CLSPN: variants seen among roughly 807,000 people sequenced by gnomAD.
CLSPN encodes the protein claspin homolog.
CLSPN carries 85 observed loss-of-function variants against 156.3 expected under a neutral mutation model. The ratio of observed to expected loss-of-function variants is 0.54; its 90% confidence interval spans 0.46 to 0.65. The LOEUF (loss-of-function observed/expected upper bound fraction) is 0.65. Ranked by LOEUF, CLSPN falls within the 30% of genes least tolerant of loss-of-function variation. The pLI is 0.00. For missense variants in CLSPN, 1,407 were observed against 1,554.9 expected (o/e 0.90, Z 1.60); for synonymous variants, 534 against 542.4 (o/e 0.98, Z 0.22).
Position 35,735,877 on chromosome 1 carries a change from C to T in CLSPN, c.*619G>A, listed in dbSNP as rs1198671379. On this transcript the variant is annotated 3_prime_UTR_variant, in exon 25 of 25. Coordinates refer to ENST00000318121, the MANE Select transcript of CLSPN (RefSeq NM_022111.4). ...TCTATCAATCACAAAGAGATATTAA[C>T]CCAGAAAGCTGCTACAATAAAATGT... is the stretch of plus-strand genomic sequence containing the variant. 3 of 985,150 alleles carry T rather than the reference C, an allele frequency of 3.0e-6. No individual in the cohort carries two copies. The highest frequency in any genetic ancestry group is 3.6e-6 in the Non-Finnish European group (3 of 829,914). 61.0% of individuals were successfully genotyped at this position (985,150 alleles called of 1,614,324 possible).
intron 24 of CLSPN, 39 bp downstream of exon 24, chr1:35,736,875 G>T: frequency 6.3e-7 from 1 of 1,582,300 alleles, no homozygotes; most frequent in Non-Finnish European, 8.6e-7. Context: ...AATAAATTCT[G>T]GTTTGGGAAG....
At chr1:35,757,383 A>G in intron 8 of CLSPN, among the ~76,000 whole-genome samples, 1 of 152,218 alleles carries the variant, frequency 6.6e-6, no homozygotes, top group East Asian at 1.9e-4. Flanking sequence ...AACTTCATGT[A>G]TATTATGGCT....
downstream of CLSPN, among the ~76,000 whole-genome samples, chr1:35,730,121 G>T (rs1404559724): frequency 1.3e-5 from 2 of 152,180 alleles, no homozygotes; most frequent in African/African-American, 4.8e-5. Context: ...GCCAGGCATG[G>T]TGCTACCCAA....
In CLSPN at chr1:35,736,990, C is replaced by T. The variant is rs764778999; in HGVS notation, c.3833G>A (p.Arg1278Gln). 4.3e-6 allele frequency: 7 copies of T among 1,613,978 alleles called. No individual in the cohort carries two copies. Among genetic ancestry groups the T allele is most frequent in the African/African-American group, 4.0e-5 (3 of 74,900 alleles). The stretch of plus-strand genomic sequence containing the variant: ...ATGAAAGACAAAGTTTCTTGAATTT[C>T]GAGGAGCACTGGGGTTATGGTCAGA... ...ALSDHNPSAPRNSRNFVFHTL... is the reference protein window; with the variant it reads ...ALSDHNPSAPQNSRNFVFHTL... The change falls in exon 24 of 25, where the codon CGA (arginine) becomes CAA (glutamine). Residue 1278 changes from arginine to glutamine, a missense_variant. Coordinates refer to ENST00000318121, the MANE Select transcript of CLSPN (RefSeq NM_022111.4).
At chr1:35,769,784 C>T in intron 1 of CLSPN, 63 bp downstream of exon 1, 1 of 1,510,486 alleles carries the variant, frequency 6.6e-7, no homozygotes. Context: ...CTACCCCGGC[C>T]CCACCTAACC....
At chr1:35,748,944 C>T (rs1015682207) in intron 12 of CLSPN, 12 of 346,360 alleles carry the variant, frequency 3.5e-5, no homozygotes, top group Non-Finnish European at 6.6e-5. Context: ...TCCTGCCTCA[C>T]CCTCCCAAGT....
chr1:35,744,209 A>G (rs538580276), intron 16 of CLSPN, among the ~76,000 whole-genome samples: 1 of 152,362 alleles, frequency 6.6e-6, no homozygotes, highest in African/African-American at 2.4e-5. Context: ...TACTCTAAGT[A>G]TCTCATGTAA....
In CLSPN at chr1:35,747,942, T is replaced by C. The variant is rs1224552591; in HGVS notation, c.2592A>G (p.Glu864=). ...CCAACAGTTGGCTCTGAGTGTCATCTTCTAAACAGAACTGGAAGTCTCCTG... is the reference window on the plus strand; with the variant it reads ...CCAACAGTTGGCTCTGAGTGTCATCCTCTAAACAGAACTGGAAGTCTCCTG... ...LGAGDFQFCL[E]DDTQSQLLDA... is the part of the protein sequence containing the mutation. The change falls in exon 14 of 25, where the codon GAA becomes GAG. Residue 864 remains glutamate (E), a synonymous_variant. Coordinates refer to ENST00000318121, the MANE Select transcript of CLSPN (RefSeq NM_022111.4). The C allele has an allele frequency of 6.2e-7, 1 of 1,614,140 alleles. No homozygotes were observed.
intron 8 of CLSPN, among the ~76,000 whole-genome samples, chr1:35,755,666 C>T (rs1642249335): frequency 6.6e-6 from 1 of 152,118 alleles, no homozygotes; most frequent in South Asian, 2.1e-4. Flanking sequence ...CTCAGCCTCC[C>T]AAAGTGCTAG....
Position 35,764,590 on chromosome 1 carries a change from C to T in CLSPN, c.258G>A (p.Glu86=). Residue 86 remains glutamate, a synonymous_variant, in exon 3 of 25, where the codon GAG becomes GAA. Coordinates refer to ENST00000318121, the MANE Select transcript of CLSPN (RefSeq NM_022111.4). Reference sequence around the variant, plus strand: ...CAGCATATAAATTCTCTTTATTTTCCTCCTCGGCACTGTCATAGGTAGTTT... The same window carrying T: ...CAGCATATAAATTCTCTTTATTTTCTTCCTCGGCACTGTCATAGGTAGTTT... ...PEKTTYDSAE[E]ENKENLYAGK... 1 of 1,613,802 alleles carries T rather than the reference C, an allele frequency of 6.2e-7. No homozygotes were observed. The highest frequency in any genetic ancestry group is 8.5e-7 in the Non-Finnish European group (1 of 1,179,930).
Position 35,735,225 on chromosome 1 carries a change from T to A in CLSPN, c.*1271A>T. The A allele has an allele frequency of 2.0e-6, 2 of 985,448 alleles. No homozygotes were observed. The highest frequency in any genetic ancestry group is 2.4e-6 in the Non-Finnish European group (2 of 829,946). The allele number at this position is 985,448 out of a possible 1,614,324, so 61.0% of individuals were successfully genotyped here. A position where few individuals can be genotyped will look rare whatever the true frequency, so the allele number is the denominator to read the frequency against. On this transcript the variant is annotated 3_prime_UTR_variant, in exon 25 of 25. Coordinates refer to ENST00000318121, the MANE Select transcript of CLSPN (RefSeq NM_022111.4). The stretch of plus-strand genomic sequence containing the variant: ...GACAAACACTGGGTGTAACACTTTA[T>A]CTTCATCCCCAAGCCCCAGAAAATT...
In CLSPN at chr1:35,739,391, C is replaced by A; in HGVS notation, c.3282G>T (p.Leu1094=). ...TGTGTATTTTCTTGATTTGACTCTG[C>A]AGTTCCTCATCAGAAGGAAGTACTT... ...IDEVLPSDEE[L]QSQIKKIHMK... The change falls in exon 19 of 25, where the codon CTG becomes CTT. Residue 1094 remains leucine, a synonymous_variant. Transcript: ENST00000318121. 6.2e-7 allele frequency: 1 copy of A among 1,614,082 alleles called. No individual in the cohort carries two copies. The highest frequency in any genetic ancestry group is 8.5e-7 in the Non-Finnish European group (1 of 1,179,994).
chr1:35,725,289 G>A (rs1641151067), intron 24 of CLSPN, among the ~76,000 whole-genome samples: 1 of 152,080 alleles, frequency 6.6e-6, no homozygotes, highest in South Asian at 2.1e-4. Context: ...CGGAGCTGCT[G>A]GAAGAATGAA....
rs1180635539 is a variant in CLSPN at position 35,733,236 on chromosome 1, G to C, written c.*3260C>G. Among the ~76,000 whole-genome samples the C allele has an allele frequency of 6.6e-5, 10 of 151,702 alleles. No individual in the cohort carries two copies. The highest frequency in any genetic ancestry group is 6.6e-4 in the Admixed American group (10 of 15,236). On this transcript the variant is annotated 3_prime_UTR_variant, in exon 25 of 25. Coordinates refer to ENST00000318121, the MANE Select transcript of CLSPN (RefSeq NM_022111.4). ...AGCTGCCTCAGCCTCCCAAAGTGCT[G>C]AGATTACAGGCATAAGCCACCACGC...
At chr1:35,751,113 A>G in intron 10 of CLSPN, 137 bp downstream of exon 10, 1 of 997,372 alleles carries the variant, frequency 1.0e-6, no homozygotes, top group Non-Finnish European at 1.5e-6. Context: ...ATTTAGGGAT[A>G]TATGAGGTAG....
chr1:35,737,501 T>C, intron 22 of CLSPN, 80 bp from the exon 23 acceptor site: 1 of 1,109,808 alleles, frequency 9.0e-7, no homozygotes, highest in Admixed American at 1.9e-5. Flanking sequence ...CTAAGAAATC[T>C]TGTAACTAAA....
At chr1:35,723,942 G>C (rs1450352196) in intron 24 of CLSPN, among the ~76,000 whole-genome samples, 1 of 152,180 alleles carries the variant, frequency 6.6e-6, no homozygotes, top group East Asian at 1.9e-4. Flanking sequence ...AGTGAGCCAA[G>C]ATCACACCAC....
At chr1:35,768,410 A>C (rs1642744688) in intron 1 of CLSPN, among the ~76,000 whole-genome samples, 1 of 146,212 alleles carries the variant, frequency 6.8e-6, no homozygotes, top group African/African-American at 2.8e-5. Flanking sequence ...GCAAGGTACA[A>C]ATTTTTTTTT....
At chr1:35,726,582 CA>C (rs1283511209) in intron 24 of CLSPN, among the ~76,000 whole-genome samples, 2 of 152,216 alleles carry the variant, frequency 1.3e-5, no homozygotes, top group Admixed American at 6.5e-5. Context: ...ATCACACACA[CA>C]CATCATCATA....
Sources: allele counts gnomAD v4.1 joint callset (sites outside exome capture counted in the v4.1 genomes callset), GRCh38; gene constraint gnomAD v4.1.1; transcripts MANE v1.5; gene names NCBI Gene and HGNC (gene_info 2026-07-23, HGNC 2026-07-21).